Variants in AQP5 observed in about 807,000 individuals in gnomAD.
AQP5 encodes the protein aquaporin 5, also known as aquaporin-5.
Under a neutral mutation model 19.1 loss-of-function variants are expected in AQP5, and 15 were observed. The ratio of observed to expected loss-of-function variants is 0.79; its 90% CI spans 0.53 to 1.21. The LOEUF is 1.21. AQP5 is among the 50% of genes most tolerant of loss of function. AQP5 has a pLI of 0.00. For missense variants in AQP5, 355 were observed against 357.1 expected, an observed-to-expected ratio of 0.99 and a Z score of 0.05; for synonymous variants, 182 against 160.3, an observed-to-expected ratio of 1.14 and a Z score of -1.02.
Position 49,962,400 on chromosome 12 carries a change from G to C in AQP5, c.363+20G>C, listed in dbSNP as rs753617700. 1 of 1,509,314 alleles carries C rather than the reference G, an allele frequency of 6.6e-7. No homozygotes were observed. Among genetic ancestry groups the C allele is most frequent in the Non-Finnish European group, 8.8e-7 (1 of 1,130,240 alleles). The allele number at this position is 1,509,314 out of a possible 1,614,324, so 93.5% of individuals were successfully genotyped here. The stretch of plus-strand genomic sequence containing the variant: ...AACGCGGTGAGTGCCCTGGGGGGGG[G>C]GTGGGAGCCTCGACCCTGGGGTGGG... On this transcript the variant is annotated intron_variant, in intron 1 of 3. Transcript: ENST00000293599.
At chr12:49,964,246 C>A in intron 3 of AQP5, 71 bp downstream of exon 3, 2 of 1,498,824 alleles carry the variant, frequency 1.3e-6, no homozygotes, top group South Asian at 2.3e-5. Flanking sequence ...GCTCAGAGCT[C>A]ACCAGACCTG....
intron 3 of AQP5, 184 bp from the exon 4 acceptor site, chr12:49,964,808 C>T (rs557151914): frequency 1.0e-6 from 1 of 985,348 alleles, no homozygotes; most frequent in African/African-American, 1.7e-5. Context: ...ATGTCTCTGT[C>T]CCTGGGAGTG....
chr12:49,964,361 G>C (rs929516928), intron 3 of AQP5, among the ~76,000 whole-genome samples, 186 bp downstream of exon 3: 1 of 152,180 alleles, frequency 6.6e-6, no homozygotes, highest in African/African-American at 2.4e-5. Flanking sequence ...AGGTGGCTTT[G>C]TATGGCCTGA....
At position 49,965,096 on chromosome 12, in the gene AQP5, C is replaced by T. The variant is rs1315887126; in HGVS notation, c.717C>T (p.Ile239=). Residue 239 remains isoleucine (I), a synonymous_variant, in exon 4 of 4, where the codon ATC becomes ATT. Coordinates refer to ENST00000293599, the MANE Select transcript of AQP5 (RefSeq NM_001651.4). ...GCCTGAGTGAGCGTGTGGCCATCAT[C>T]AAAGGCACGTATGAGCCTGACGAGG... ...SLSLSERVAI[I]KGTYEPDEDW... is the part of the protein sequence containing the mutation. 3 of 1,613,952 alleles carry T rather than the reference C, an allele frequency of 1.9e-6. No homozygotes were observed. Among genetic ancestry groups the T allele is most frequent in the Non-Finnish European group, 2.5e-6 (3 of 1,180,000 alleles).
In AQP5 at chr12:49,962,303, G is replaced by A; in HGVS notation, c.286G>A (p.Val96Met). The A allele has an allele frequency of 6.2e-7, 1 of 1,607,686 alleles. No homozygotes were observed. Among genetic ancestry groups the A allele is most frequent in the Non-Finnish European group, 8.5e-7 (1 of 1,179,876 alleles). Residue 96 changes from valine to methionine, a missense_variant, in exon 1 of 4, where the codon GTG becomes ATG. Coordinates refer to ENST00000293599, the MANE Select transcript of AQP5 (RefSeq NM_001651.4). ...TTTCTTCTACGTGGCGGCCCAGCTG[G>A]TGGGCGCCATTGCCGGGGCTGGCAT... is the stretch of plus-strand genomic sequence containing the variant. ...RAFFYVAAQL[V>M]GAIAGAGILY... is the part of the protein sequence containing the mutation.
Position 49,964,083 on chromosome 12 carries a change from T to C in AQP5, c.529-9T>C. 1 of 1,612,754 alleles carries C rather than the reference T, an allele frequency of 6.2e-7. No homozygotes were observed. The highest frequency in any genetic ancestry group is 8.5e-7 in the Non-Finnish European group (1 of 1,178,696). On this transcript the variant is annotated splice_polypyrimidine_tract_variant and intron_variant, in intron 2 of 3. Transcript: ENST00000293599. ...TTGCCTTTCTCTCCACCGCCCTGTC[T>C]CTATCCAGATCTACTTCACTGGCTG...
At position 49,962,448 on chromosome 12, in the gene AQP5, C is replaced by T. The variant is rs1297054511; in HGVS notation, c.363+68C>T. On this transcript the variant is annotated intron_variant, in intron 1 of 3. Coordinates refer to ENST00000293599, the MANE Select transcript of AQP5 (RefSeq NM_001651.4). ...GGGCTCAGGACCAGGCCTCTTACCCCACCTGGAAAAAAGGGGTGCCGCAGA... is the reference window on the plus strand; with the variant it reads ...GGGCTCAGGACCAGGCCTCTTACCCTACCTGGAAAAAAGGGGTGCCGCAGA... 16 of 1,321,966 alleles carry T rather than the reference C, an allele frequency of 1.2e-5. No homozygotes were observed. The Admixed American group carries it at 4.7e-4, about 39-fold the overall frequency. The allele number at this position is 1,321,966 out of a possible 1,614,324, so 81.9% of individuals were successfully genotyped here. A position where few individuals can be genotyped will look rare whatever the true frequency, so the allele number is the denominator to read the frequency against.
intron 2 of AQP5, 104 bp from the exon 3 acceptor site, chr12:49,963,988 A>T: frequency 2.5e-6 from 3 of 1,201,568 alleles, no homozygotes; most frequent in Non-Finnish European, 3.7e-6. Context: ...TGAGTTTGAG[A>T]CCTGGCTGAG....
Position 49,962,110 on chromosome 12 carries a change from G to C in AQP5, c.93G>C (p.Ser31=). 6.2e-7 allele frequency: 1 copy of C among 1,613,538 alleles called. No individual in the cohort carries two copies. Among genetic ancestry groups the C allele is most frequent in the African/African-American group, 1.3e-5 (1 of 75,050 alleles). Residue 31 remains serine, a synonymous_variant, in exon 1 of 4, where the codon TCG becomes TCC. Transcript: ENST00000293599. ...TLIFVFFGLG[S]ALKWPSALPT... ...TCTTCGTCTTCTTTGGCCTGGGCTCGGCCCTCAAGTGGCCGTCGGCGCTGC... is the reference window on the plus strand; with the variant it reads ...TCTTCGTCTTCTTTGGCCTGGGCTCCGCCCTCAAGTGGCCGTCGGCGCTGC...
rs1294660283 is a variant in AQP5, at chr12:49,962,004, C to T, written c.-14C>T. On this transcript the variant is annotated 5_prime_UTR_variant, in exon 1 of 4. Coordinates refer to ENST00000293599, the MANE Select transcript of AQP5 (RefSeq NM_001651.4). ...CCCCGCCGCGGCAGCTGCCGCCGGG[C>T]CCCCGCGGCCACCATGAAGAAGGAG... 2.2e-6 allele frequency: 3 copies of T among 1,370,668 alleles called. No homozygotes were observed. The highest frequency in any genetic ancestry group is 3.0e-5 in the African/African-American group (2 of 67,002). The allele number at this position is 1,370,668 out of a possible 1,614,324, so 84.9% of individuals were successfully genotyped here. A position where few individuals can be genotyped will look rare whatever the true frequency, so the allele number is the denominator to read the frequency against.
At chr12:49,963,871 G>C (rs527774946) in intron 2 of AQP5, 9 of 810,132 alleles carry the variant, frequency 1.1e-5, no homozygotes, top group Admixed American at 2.8e-5. Context: ...GAGGTGGGAT[G>C]GGACAGGAAT....
chr12:49,963,622 T>C lies in AQP5; in HGVS notation c.494T>C (p.Ile165Thr). The change falls in exon 2 of 4, where the codon ATT becomes ACT. Residue 165 changes from isoleucine to threonine, a missense_variant. Coordinates refer to ENST00000293599, the MANE Select transcript of AQP5 (RefSeq NM_001651.4). ...CCTGTGGGCTCCCCAGCCCTGTCCA[T>C]TGGCCTGTCTGTCACCCTGGGCCAC... The part of the protein sequence containing the change: ...TSPVGSPALS[I>T]GLSVTLGHLV... 1 of 1,613,802 alleles carries C rather than the reference T, an allele frequency of 6.2e-7. No individual in the cohort carries two copies. The highest frequency in any genetic ancestry group is 1.1e-5 in the South Asian group (1 of 91,086).
At chr12:49,962,526 A>G in intron 1 of AQP5, 146 bp downstream of exon 1, 3 of 1,259,622 alleles carry the variant, frequency 2.4e-6, no homozygotes, top group Non-Finnish European at 3.2e-6. Context: ...CAAGGCCAGG[A>G]AGGCAACTCT....
chr12:49,963,376 G>C (rs973953565), intron 1 of AQP5, 116 bp from the exon 2 acceptor site: 51 of 1,390,512 alleles, frequency 3.7e-5, no homozygotes, highest in Non-Finnish European at 4.8e-5. Flanking sequence ...CACAGGACTT[G>C]GCTTCCAGGT....
intron 3 of AQP5, chr12:49,964,640 C>T (rs1947468190): frequency 2.0e-6 from 2 of 985,128 alleles, no homozygotes; most frequent in African/African-American, 1.8e-5. Flanking sequence ...TGCTTCTATC[C>T]CTGCGTGGAG....
intron 3 of AQP5, chr12:49,964,542 G>A (rs1592822777): frequency 1.5e-6 from 1 of 655,830 alleles, no homozygotes; most frequent in East Asian, 1.4e-4. Flanking sequence ...CCTGTTGAGG[G>A]GGTTGGGAGA....
chr12:49,963,687 G>T, intron 2 of AQP5, 31 bp downstream of exon 2: 2 of 1,600,100 alleles, frequency 1.2e-6, no homozygotes, highest in South Asian at 1.1e-5. Context: ...GCTGGGGTGA[G>T]GGTGGGGCAG....
At chr12:49,963,803 G>C (rs1272455597) in intron 2 of AQP5, 147 bp downstream of exon 2, 2 of 1,193,824 alleles carry the variant, frequency 1.7e-6, no homozygotes, top group Non-Finnish European at 2.3e-6. Flanking sequence ...TGGCCCTACT[G>C]GGCCCCAGAA....
chr12:49,965,281 TGAG>T lies in AQP5; in HGVS notation c.*114_*116del. 3 of 1,331,814 alleles carry T rather than the reference TGAG, an allele frequency of 2.3e-6. No homozygotes were observed. The highest frequency in any genetic ancestry group is 3.0e-6 in the Non-Finnish European group (3 of 1,005,558). 82.5% of individuals were successfully genotyped at this position (1,331,814 alleles called of 1,614,324 possible). On this transcript the variant is annotated 3_prime_UTR_variant, in exon 4 of 4. Transcript: ENST00000293599. ...TTTTTGCACAACCGGTCCTCTTGGCTGAGGAGGAGGAGCTGGTCACCCTGGCTG... is the reference window on the plus strand; with the variant it reads ...TTTTTGCACAACCGGTCCTCTTGGCTGAGGAGGAGCTGGTCACCCTGGCTG...
Sources: allele counts gnomAD v4.1 joint callset (sites outside exome capture counted in the v4.1 genomes callset), GRCh38; gene constraint gnomAD v4.1.1; transcripts MANE v1.5; gene names NCBI Gene and HGNC (gene_info 2026-07-23, HGNC 2026-07-21).